ZC2HC1A: variants seen among roughly 807,000 people sequenced by gnomAD.
ZC2HC1A encodes the protein zinc finger C2HC-type containing 1A, also known as zinc finger C2HC domain-containing protein 1A.
Under a neutral mutation model 40.7 loss-of-function variants are expected in ZC2HC1A, and 28 were observed. That is an observed-to-expected ratio of 0.69 (90% CI 0.51 to 0.94). The LOEUF (loss-of-function observed/expected upper bound fraction) is 0.94. Ranked by LOEUF, ZC2HC1A falls within the 40% of genes least tolerant of loss-of-function variation. The pLI, the probability that ZC2HC1A is intolerant of heterozygous loss-of-function variation, is 0.00. For synonymous variants in ZC2HC1A, 129 were observed against 129.2 expected (o/e 1.00, Z 0.01); for missense variants, 389 against 386.3 (o/e 1.01, Z -0.06).
chr8:78,666,174 T>G lies in ZC2HC1A; in HGVS notation c.16+10T>G. 2 of 1,574,306 alleles carry G rather than the reference T, an allele frequency of 1.3e-6. No homozygotes were observed. The highest frequency in any genetic ancestry group is 1.7e-6 in the Non-Finnish European group (2 of 1,160,240). ...ATGGAGGGACTGGAAGGTGAGGCGA[T>G]GAAGGGATGAGGGCAGGACGGCTAG... On this transcript the variant is annotated intron_variant, in intron 1 of 8. Transcript: ENST00000263849.
chr8:78,693,414 T>G (rs888578723), intron 5 of ZC2HC1A, among the ~76,000 whole-genome samples: 52 of 152,292 alleles, frequency 3.4e-4, no homozygotes, highest in African/African-American at 7.9e-4. Context: ...ATTTTTTAAT[T>G]ATCGCCATTC....
chr8:78,706,623 T>G (rs908148629), intron 7 of ZC2HC1A, among the ~76,000 whole-genome samples: 2 of 152,188 alleles, frequency 1.3e-5, no homozygotes, highest in African/African-American at 4.8e-5. Context: ...TTGTTCTCTG[T>G]GGGTCAAGTT....
chr8:78,672,480 C>T (rs148262932), intron 1 of ZC2HC1A, among the ~76,000 whole-genome samples: 12 of 152,170 alleles, frequency 7.9e-5, no homozygotes, highest in Admixed American at 2.6e-4. Flanking sequence ...AAAGAGAAAA[C>T]GATTTTTTTT....
intron 7 of ZC2HC1A, among the ~76,000 whole-genome samples, chr8:78,711,696 A>G (rs1400282272): frequency 6.6e-6 from 1 of 151,896 alleles, no homozygotes; most frequent in Non-Finnish European, 1.5e-5. Flanking sequence ...TTTTTTTGAA[A>G]TAGTTGTTCT....
chr8:78,697,958 G>A (rs1810483909), intron 6 of ZC2HC1A, among the ~76,000 whole-genome samples: 1 of 152,112 alleles, frequency 6.6e-6, no homozygotes, highest in South Asian at 2.1e-4. Context: ...GATTACTGGC[G>A]TGAGCCACCG....
At chr8:78,709,803 A>G (rs1387821313) in intron 7 of ZC2HC1A, among the ~76,000 whole-genome samples, 1 of 152,192 alleles carries the variant, frequency 6.6e-6, no homozygotes, top group Non-Finnish European at 1.5e-5. Flanking sequence ...CTTGGGTGGC[A>G]TGTGGCCTGT....
At chr8:78,697,360 A>G (rs764490342) in intron 5 of ZC2HC1A, 47 bp from the exon 6 acceptor site, 5 of 1,449,998 alleles carry the variant, frequency 3.4e-6, no homozygotes, top group South Asian at 1.2e-5. Context: ...TTTACAATCC[A>G]TAATCAAAAA....
chr8:78,709,232 A>T (rs1340163091), intron 7 of ZC2HC1A, among the ~76,000 whole-genome samples: 1 of 152,220 alleles, frequency 6.6e-6, no homozygotes, highest in African/African-American at 2.4e-5. Flanking sequence ...AAAGGCATGT[A>T]TGGAGCATTT....
chr8:78,668,933 A>C (rs1308091804), intron 1 of ZC2HC1A, among the ~76,000 whole-genome samples: 3 of 152,172 alleles, frequency 2.0e-5, no homozygotes, highest in Non-Finnish European at 4.4e-5. Flanking sequence ...TGGTTATAAA[A>C]ATTGTGGCAG....
Position 78,715,274 on chromosome 8 carries a change from C to T in ZC2HC1A, c.758C>T (p.Ala253Val), listed in dbSNP as rs1811064701. 6.2e-7 allele frequency: 1 copy of T among 1,613,726 alleles called. No individual in the cohort carries two copies. The highest frequency in any genetic ancestry group is 1.3e-5 in the African/African-American group (1 of 74,882). The change falls in exon 8 of 9, where the codon GCC becomes GTC. Residue 253 changes from alanine to valine, a missense_variant. Ala to Val is a moderately conservative substitution (Grantham distance 64). Coordinates refer to ENST00000263849, the MANE Select transcript of ZC2HC1A (RefSeq NM_016010.3). The stretch of plus-strand genomic sequence containing the variant: ...CCACCTAGTTTGGCAAGAAATCCTG[C>T]CCCAGGTGTGCTTACAAACAAAAGA... The part of the protein sequence containing the change: ...STPPSLARNP[A>V]PGVLTNKRKT...
chr8:78,679,430 T>C (rs994555021), intron 3 of ZC2HC1A: 13 of 152,214 alleles, frequency 8.5e-5, no homozygotes, highest in African/African-American at 3.1e-4. Flanking sequence ...TACTTATAAT[T>C]TAATGCTATG....
chr8:78,682,527 G>A (rs752292103), intron 3 of ZC2HC1A, among the ~76,000 whole-genome samples: 3 of 152,024 alleles, frequency 2.0e-5, no homozygotes, highest in African/African-American at 7.3e-5. Flanking sequence ...TCACTATCAC[G>A]AGCACAACAC....
intron 7 of ZC2HC1A, among the ~76,000 whole-genome samples, chr8:78,712,593 G>A (rs1378793793): frequency 6.6e-6 from 1 of 152,144 alleles, no homozygotes; most frequent in Non-Finnish European, 1.5e-5. Context: ...TTAGATGGTT[G>A]TAAATTCTGC....
rs1458103060 is a variant in ZC2HC1A at position 78,698,414 on chromosome 8, G to T, written c.605G>T (p.Gly202Val). The change falls in exon 7 of 9, where the codon GGT becomes GTT. Residue 202 changes from glycine (G) to valine (V), a missense_variant and splice_region_variant. Gly to Val is a moderately radical substitution (Grantham distance 109). Coordinates refer to ENST00000263849, the MANE Select transcript of ZC2HC1A (RefSeq NM_016010.3). ...QPSGAGKTVV[G>V]VPSGKVSSSS... ...AAAAATAATGCTTTTTTATTATAAG[G>T]TGTTCCTTCAGGTAAAGTGTCTTCA... 2 of 1,607,506 alleles carry T rather than the reference G, an allele frequency of 1.2e-6. No homozygotes were observed. Among genetic ancestry groups the T allele is most frequent in the African/African-American group, 2.7e-5 (2 of 74,552 alleles).
chr8:78,670,359 A>C (rs1809409487), intron 1 of ZC2HC1A, among the ~76,000 whole-genome samples: 1 of 152,212 alleles, frequency 6.6e-6, no homozygotes, highest in African/African-American at 2.4e-5. Context: ...GACTAAGCAG[A>C]AAATGTAAGT....
In ZC2HC1A at chr8:78,717,696, C is replaced by T; in HGVS notation, c.*203C>T. The stretch of plus-strand genomic sequence containing the variant: ...TACTGTATATAATAAATATCTGATA[C>T]CCCAGACTGTGTCATTCAAGGAAAT... On this transcript the variant is annotated 3_prime_UTR_variant, in exon 9 of 9. Coordinates refer to ENST00000263849, the MANE Select transcript of ZC2HC1A (RefSeq NM_016010.3). 2.7e-6 allele frequency: 1 copy of T among 363,666 alleles called. No individual in the cohort carries two copies. Among genetic ancestry groups the T allele is most frequent in the Non-Finnish European group, 4.8e-6 (1 of 207,690 alleles). 22.5% of individuals were successfully genotyped at this position (363,666 alleles called of 1,614,324 possible).
At chr8:78,677,872 C>T (rs566427836) in intron 2 of ZC2HC1A, among the ~76,000 whole-genome samples, 2 of 152,304 alleles carry the variant, frequency 1.3e-5, no homozygotes, top group African/African-American at 4.8e-5. Context: ...ATAGACAGAG[C>T]AGCCCTGAAG....
intron 5 of ZC2HC1A, among the ~76,000 whole-genome samples, chr8:78,689,917 T>A (rs1810152705): frequency 6.6e-6 from 1 of 152,208 alleles, no homozygotes; most frequent in Admixed American, 6.5e-5. Flanking sequence ...CCATGTCTTC[T>A]ATAAGTTTTA....
At chr8:78,668,094 C>G (rs1002919691) in intron 1 of ZC2HC1A, among the ~76,000 whole-genome samples, 50 of 151,986 alleles carry the variant, frequency 3.3e-4, no homozygotes, top group African/African-American at 1.1e-3. Context: ...TCAAGCAGTT[C>G]AATCTAATAA....
Sources: allele counts gnomAD v4.1 joint callset (sites outside exome capture counted in the v4.1 genomes callset), GRCh38; gene constraint gnomAD v4.1.1; transcripts MANE v1.5; gene names NCBI Gene and HGNC (gene_info 2026-07-23, HGNC 2026-07-21).